DYNC2H1: variants seen among roughly 807,000 people sequenced by gnomAD.
DYNC2H1 encodes the protein cytoplasmic dynein 2 heavy chain 1.
A neutral mutation model predicts 570.0 loss-of-function variants in DYNC2H1; 410 were observed. The observed-to-expected ratio is 0.72, with a 90% CI of 0.66 to 0.78. The LOEUF is 0.78. Ranked by LOEUF, DYNC2H1 falls within the 30% of genes least tolerant of loss-of-function variation. DYNC2H1 has a pLI of 0.00. For synonymous variants in DYNC2H1, 1,688 were observed against 1,677.6 expected (o/e 1.01, Z -0.15); for missense variants, 4,865 against 5,046.4 (o/e 0.96, Z 1.09).
At position 103,255,502 on chromosome 11, in the gene DYNC2H1, C is replaced by T. The variant is rs867836657; in HGVS notation, c.10294C>T (p.Gln3432Ter). The T allele has an allele frequency of 1.3e-6, 2 of 1,561,404 alleles. No homozygotes were observed. The highest frequency in any genetic ancestry group is 1.7e-6 in the Non-Finnish European group (2 of 1,151,922). ...ACAACAGGAAGAAGATAAGAAAATA[C>T]AGCTAGCCAAGCTCGAAGAATCTCT... ...LLQQEEDKKI[Q>*]LAKLEESLLE... Residue 3432 changes from glutamine (Q) to a stop codon, truncating the protein, a stop_gained, in exon 67 of 89, where the codon CAG becomes TAG. Transcript: ENST00000375735. LOFTEE classifies it high-confidence loss of function.
At chr11:103,164,569 C>G (rs1220739188) in intron 30 of DYNC2H1, among the ~76,000 whole-genome samples, 2 of 152,128 alleles carry the variant, frequency 1.3e-5, no homozygotes, top group Non-Finnish European at 2.9e-5. Context: ...TAGAAAGAAT[C>G]TGACTTTGGT....
chr11:103,363,031 AAAAT>A lies in DYNC2H1; in HGVS notation c.12156+4691_12156+4694del, dbSNP rs372989704. Among the ~76,000 whole-genome samples the A allele has an allele frequency of 4.6e-5, 7 of 151,854 alleles. No homozygotes were observed. The highest frequency in any genetic ancestry group is 1.7e-4 in the African/African-American group (7 of 41,460). ...GGGCGACAGAGCAAGACTCTGTCTC[AAAAT>A]AAATAAATAAATAAATAATATAATA... On this transcript the variant is annotated intron_variant, in intron 83 of 88. Transcript: ENST00000375735. This position sits in a 1 kb window ranked among gnomAD's most constrained non-coding sequence, Gnocchi z 5.6.
intron 16 of DYNC2H1, 35 bp downstream of exon 16, chr11:103,135,669 T>C (rs967964629): frequency 1.9e-6 from 3 of 1,607,066 alleles, no homozygotes; most frequent in East Asian, 4.5e-5. Context: ...TTAATGTTCA[T>C]TGTATAATTT....
rs115840189 is a variant in DYNC2H1 at position 103,253,682 on chromosome 11, T to G, written c.10206+234T>G. Among the ~76,000 whole-genome samples, 771 of 152,300 alleles carry G rather than the reference T, an allele frequency of 5.1e-3. 5 individuals are homozygous for G. The highest frequency in any genetic ancestry group is 0.018 in the African/African-American group (732 of 41,574). On this transcript the variant is annotated intron_variant, in intron 66 of 88. Transcript: ENST00000375735. The stretch of plus-strand genomic sequence containing the variant: ...GCTGCTCCTTTTAATATAACTCTAA[T>G]TTTAAAGTTTATTTCTGTTATATGT...
At chr11:103,247,101 C>T (rs1303430846) in intron 65 of DYNC2H1, among the ~76,000 whole-genome samples, 3 of 151,680 alleles carry the variant, frequency 2.0e-5, no homozygotes, top group African/African-American at 7.3e-5. Flanking sequence ...GACAATTGGA[C>T]CAGCTAACTG....
At chr11:103,451,963 C>T (rs927795662) in intron 85 of DYNC2H1, among the ~76,000 whole-genome samples, 3 of 151,652 alleles carry the variant, frequency 2.0e-5, no homozygotes, top group African/African-American at 7.3e-5. Context: ...GCCTATATTT[C>T]TTTTATCTTT....
At chr11:103,278,119 T>G (rs957964897) in intron 70 of DYNC2H1, among the ~76,000 whole-genome samples, 1 of 152,070 alleles carries the variant, frequency 6.6e-6, no homozygotes, top group Non-Finnish European at 1.5e-5. Flanking sequence ...TATCCAAGAT[T>G]TTAGGTATTT....
At chr11:103,386,158 G>T (rs1941860924) in intron 83 of DYNC2H1, among the ~76,000 whole-genome samples, 2 of 152,106 alleles carry the variant, frequency 1.3e-5, no homozygotes, top group African/African-American at 2.4e-5. Flanking sequence ...AACATTTTTG[G>T]TTGTTTTCAG....
At chr11:103,352,219 A>C (rs1025527260) in intron 82 of DYNC2H1, among the ~76,000 whole-genome samples, 1 of 152,004 alleles carries the variant, frequency 6.6e-6, no homozygotes, top group Non-Finnish European at 1.5e-5. Flanking sequence ...GCTTTTTAAA[A>C]ACTCTGATCT....
At chr11:103,399,611 T>C (rs1942552825) in intron 83 of DYNC2H1, 52 bp from the exon 84 acceptor site, 21 of 1,284,984 alleles carry the variant, frequency 1.6e-5, no homozygotes, top group South Asian at 4.2e-5. Flanking sequence ...GCGTTTTATA[T>C]ATCAGTGATC....
chr11:103,337,443 GT>G (rs1939202818), intron 82 of DYNC2H1, among the ~76,000 whole-genome samples: 1 of 152,042 alleles, frequency 6.6e-6, no homozygotes, highest in Admixed American at 6.5e-5. Context: ...TCTATTTTTG[GT>G]TTTTTGAGGA....
intron 85 of DYNC2H1, among the ~76,000 whole-genome samples, chr11:103,437,064 T>G (rs1944089257): frequency 6.6e-6 from 1 of 152,084 alleles, no homozygotes; most frequent in Non-Finnish European, 1.5e-5. Context: ...TGAGCACTGC[T>G]CCTGTATTCC....
rs189777407 is a variant in DYNC2H1 at position 103,131,862 on chromosome 11, T to G, written c.1954-1693T>G. ...TGGCTCCATTCAAGATTTCAAAGAA[T>G]CTTTGTCTTTAGTTTTCAGAAGTTT... On this transcript the variant is annotated intron_variant, in intron 13 of 88. Transcript: ENST00000375735. Among the ~76,000 whole-genome samples, 204 of 152,294 alleles carry G rather than the reference T, an allele frequency of 1.3e-3. 1 individual carries two copies. Among genetic ancestry groups the G allele is most frequent in the African/African-American group, 4.8e-3 (200 of 41,572 alleles).
At chr11:103,117,902 A>G (rs1402493422) in intron 6 of DYNC2H1, 39 bp downstream of exon 6, 35 of 1,497,942 alleles carry the variant, frequency 2.3e-5, no homozygotes, top group Non-Finnish European at 3.2e-5. Flanking sequence ...CTTTAAATGT[A>G]AAGTGTATCT....
At chr11:103,376,420 T>C (rs1941396773) in intron 83 of DYNC2H1, among the ~76,000 whole-genome samples, 1 of 152,274 alleles carries the variant, frequency 6.6e-6, no homozygotes. Flanking sequence ...TTTGGTTGTT[T>C]CAACAGTGTT....
intron 52 of DYNC2H1, among the ~76,000 whole-genome samples, chr11:103,206,595 G>C (rs1302727723): frequency 6.6e-6 from 1 of 152,132 alleles, no homozygotes; most frequent in East Asian, 1.9e-4. Flanking sequence ...AAAGGACACT[G>C]AGAAGCAGCT....
At position 103,446,761 on chromosome 11, in the gene DYNC2H1, T is replaced by G. The variant is rs1944437621; in HGVS notation, c.12457-8425T>G. On this transcript the variant is annotated intron_variant, in intron 85 of 88. Transcript: ENST00000375735. The surrounding 1 kb of genome is among the most constrained non-coding windows in gnomAD (Gnocchi z 4.5). ...ATGGTACAAGAAAAAGGAAATGATT[T>G]TAGGAGTAAAGTTCTTAAAAAGGCA... Among the ~76,000 whole-genome samples, 2 of 152,056 alleles carry G rather than the reference T, an allele frequency of 1.3e-5. No homozygotes were observed. Among genetic ancestry groups the G allele is most frequent in the Non-Finnish European group, 2.9e-5 (2 of 68,000 alleles).
At chr11:103,383,413 T>C (rs756658175) in intron 83 of DYNC2H1, among the ~76,000 whole-genome samples, 36 of 152,192 alleles carry the variant, frequency 2.4e-4, no homozygotes, top group Non-Finnish European at 3.7e-4. Flanking sequence ...TTGGTTTTTT[T>C]CTCTAATGTT....
intron 85 of DYNC2H1, among the ~76,000 whole-genome samples, chr11:103,451,594 GT>G (rs1237224692): frequency 1.3e-5 from 2 of 152,004 alleles, no homozygotes; most frequent in African/African-American, 4.8e-5. Context: ...GCTTCCCAAA[GT>G]GCTGGGATTA....
Sources: gnomAD v4.1 joint callset for allele counts (sites outside exome capture counted in the v4.1 genomes callset) on GRCh38, gnomAD v4.1.1 for gene constraint, Gnocchi (gnomAD v3.1) non-coding constraint, MANE v1.5 for transcripts, NCBI Gene and HGNC (gene_info 2026-07-23, HGNC 2026-07-21) for gene names.